Variants in CCSAP observed in about 807,000 individuals in gnomAD.
CCSAP encodes the protein centriole, cilia and spindle associated protein.
A neutral mutation model predicts 25.9 loss-of-function variants in CCSAP; 17 were observed. That is an observed-to-expected ratio of 0.66 (90% CI 0.45 to 0.99). The LOEUF (loss-of-function observed/expected upper bound fraction) is 0.99, where lower values mean the gene tolerates loss of function less well. CCSAP is among the 50% of genes least tolerant of loss of function. CCSAP has a pLI of 0.00. For synonymous variants in CCSAP, 169 were observed against 157.1 expected (o/e 1.08, Z -0.57); for missense variants, 339 against 367.8 (o/e 0.92, Z 0.64).
chr1:229,337,310 G>C (rs466160), intron 2 of CCSAP, among the ~76,000 whole-genome samples: 60,981 of 151,634 alleles, frequency 0.4, 12,493 homozygotes, highest in Non-Finnish European at 0.45. Flanking sequence ...GCAGGTGTCA[G>C]AATGGCATGG....
Position 229,340,405 on chromosome 1 carries a change from G to T in CCSAP, c.367+1694C>A, listed in dbSNP as rs1337116363. The T allele has an allele frequency of 5.6e-6, 4 of 716,722 alleles. No homozygotes were observed. In the African/African-American group the frequency reaches 7.0e-5, roughly 13 times the overall value. 44.4% of individuals were successfully genotyped at this position (716,722 alleles called of 1,614,324 possible). A position where few individuals can be genotyped will look rare whatever the true frequency, so the allele number is the denominator to read the frequency against. On this transcript the variant is annotated intron_variant, in intron 2 of 3. Coordinates refer to ENST00000284617, the MANE Select transcript of CCSAP (RefSeq NM_145257.5). ...AATCATGAACTCAGAGCTTACCTGAGCTGGTAAATACAGGCACCATCCATA... is the reference window on the plus strand; with the variant it reads ...AATCATGAACTCAGAGCTTACCTGATCTGGTAAATACAGGCACCATCCATA...
intron 2 of CCSAP, among the ~76,000 whole-genome samples, chr1:229,338,101 T>C (rs1043749500): frequency 5.9e-5 from 9 of 152,256 alleles, no homozygotes; most frequent in African/African-American, 2.2e-4. Context: ...ATCATATAGT[T>C]AATATTGTGG....
At chr1:229,326,717 C>T in intron 3 of CCSAP, 21 bp downstream of exon 3, 1 of 1,612,008 alleles carries the variant, frequency 6.2e-7, no homozygotes, top group South Asian at 1.1e-5. Context: ...GAACACAGAA[C>T]CACAAGGGCC....
chr1:229,322,870 TATC>T lies in CCSAP; in HGVS notation c.*2362_*2364del, dbSNP rs1657859117. ...AGTTTTATGTAGCATTTATTTTAAA[TATC>T]ATTGGGTTCTCTGTTTCAGACTTTT... On this transcript the variant is annotated 3_prime_UTR_variant, in exon 4 of 4. Transcript: ENST00000284617. The T allele has an allele frequency of 6.6e-6, 1 of 152,232 alleles. No homozygotes were observed. The highest frequency in any genetic ancestry group is 2.4e-5 in the African/African-American group (1 of 41,468). The allele number at this position is 152,232 out of a possible 1,614,324, so 9.4% of individuals were successfully genotyped here. A position where few individuals can be genotyped will look rare whatever the true frequency, so the allele number is the denominator to read the frequency against.
chr1:229,335,922 G>T (rs1005173834), intron 2 of CCSAP, among the ~76,000 whole-genome samples: 1 of 151,210 alleles, frequency 6.6e-6, no homozygotes, highest in East Asian at 1.9e-4. Context: ...AAATATTCGG[G>T]AAAAATAAAT....
chr1:229,336,603 G>GCAT lies in CCSAP; in HGVS notation c.367+5493_367+5495dup, dbSNP rs778939079. Among the ~76,000 whole-genome samples, 24 of 152,006 alleles carry GCAT rather than the reference G, an allele frequency of 1.6e-4. 1 individual carries two copies. Among genetic ancestry groups the GCAT allele is most frequent in the Non-Finnish European group, 3.2e-4 (22 of 68,008 alleles). ...GTCCTCAGCCAATTACAGAAAACAG[G>GCAT]CATCCCCCGTGCACAGACCTCCTAA... is the stretch of plus-strand genomic sequence containing the variant. On this transcript the variant is annotated intron_variant, in intron 2 of 3. Coordinates refer to ENST00000284617, the MANE Select transcript of CCSAP (RefSeq NM_145257.5).
intron 2 of CCSAP, among the ~76,000 whole-genome samples, chr1:229,340,129 T>C (rs1257944113): frequency 6.6e-6 from 1 of 152,294 alleles, no homozygotes; most frequent in Non-Finnish European, 1.5e-5. Context: ...TAAAAAATTT[T>C]ATATTTTATA....
intron 2 of CCSAP, among the ~76,000 whole-genome samples, chr1:229,341,488 G>T (rs929262630): frequency 6.6e-6 from 1 of 152,200 alleles, no homozygotes; most frequent in African/African-American, 2.4e-5. Context: ...CGGCGCTTTC[G>T]GATCTGGACA....
chr1:229,331,880 AT>A (rs1658078836), intron 2 of CCSAP, among the ~76,000 whole-genome samples: 2 of 151,368 alleles, frequency 1.3e-5, no homozygotes, highest in East Asian at 3.9e-4. Context: ...CAATGGCGCG[AT>A]CTCAGCTCAC....
chr1:229,325,694 T>C (rs1168299185), intron 3 of CCSAP, among the ~76,000 whole-genome samples: 1 of 152,210 alleles, frequency 6.6e-6, no homozygotes, highest in Non-Finnish European at 1.5e-5. Flanking sequence ...GCCTCTAGAG[T>C]TGGCTCTGGA....
At position 229,333,706 on chromosome 1, in the gene CCSAP, C is replaced by T. The variant is rs1318498293; in HGVS notation, c.368-6700G>A. 2.0e-5 allele frequency among the ~76,000 whole-genome samples: 3 copies of T among 152,014 alleles called. No homozygotes were observed. The South Asian group carries it at 6.2e-4, about 32-fold the overall frequency. On this transcript the variant is annotated intron_variant, in intron 2 of 3. Transcript: ENST00000284617. ...ACCAACCTGGGCAACATGAGGAAAC[C>T]TCGTCTCTACTAAAAATACAAAAAA...
At chr1:229,326,050 C>T (rs1447643490) in intron 3 of CCSAP, among the ~76,000 whole-genome samples, 1 of 152,192 alleles carries the variant, frequency 6.6e-6, no homozygotes, top group Non-Finnish European at 1.5e-5. Flanking sequence ...CTTCCTTAAA[C>T]GCAGCCTTTG....
intron 2 of CCSAP, among the ~76,000 whole-genome samples, chr1:229,330,833 TA>T (rs1553304645): frequency 1.3e-3 from 149 of 118,202 alleles, no homozygotes; most frequent in East Asian, 1.6e-3. Context: ...CAACTCCATC[TA>T]AAAAAAAAAA....
intron 2 of CCSAP, among the ~76,000 whole-genome samples, chr1:229,338,209 G>C (rs1658246945): frequency 6.6e-6 from 1 of 152,026 alleles, no homozygotes; most frequent in South Asian, 2.1e-4. Flanking sequence ...CTCCCATAAT[G>C]GGAAGTCAGT....
At chr1:229,333,479 T>G (rs1571854233) in intron 2 of CCSAP, among the ~76,000 whole-genome samples, 1 of 141,498 alleles carries the variant, frequency 7.1e-6, no homozygotes, top group Admixed American at 7.1e-5. Context: ...TAGGTCAAAG[T>G]GAAAACAGGG....
rs754046436 is a variant in CCSAP at position 229,342,341 on chromosome 1, T to A, written c.125A>T (p.Gln42Leu). 6.6e-7 allele frequency: 1 copy of A among 1,504,678 alleles called. No homozygotes were observed. Among genetic ancestry groups the A allele is most frequent in the Non-Finnish European group, 8.9e-7 (1 of 1,128,172 alleles). The allele number at this position is 1,504,678 out of a possible 1,614,324, so 93.2% of individuals were successfully genotyped here. ...HYRLGRRLLE[Q>L]AHAPWLWDDW... ...GTCCCAGAGCCAGGGCGCGTGCGCCTGCTCCAGCAGCCGGCGGCCTAGGCG... is the reference window on the plus strand; with the variant it reads ...GTCCCAGAGCCAGGGCGCGTGCGCCAGCTCCAGCAGCCGGCGGCCTAGGCG... The change falls in exon 2 of 4, where the codon CAG becomes CTG. Residue 42 changes from glutamine (Q) to leucine (L), a missense_variant. Coordinates refer to ENST00000284617, the MANE Select transcript of CCSAP (RefSeq NM_145257.5). This position sits in a 1 kb window ranked among gnomAD's most constrained non-coding sequence, Gnocchi z 7.5.
chr1:229,331,185 TTTCCAACACAAAGACCAGTGTGTTGTAAA>T (rs1658059068), intron 2 of CCSAP, among the ~76,000 whole-genome samples: 1 of 152,112 alleles, frequency 6.6e-6, no homozygotes, highest in African/African-American at 2.4e-5. Flanking sequence ...AGAAATAGCT[TTTCCAACACAAAGACCAGTGTGTTGTAAA>T]GATAACCGGC....
In CCSAP at chr1:229,337,670, C is replaced by CAAAAAAAAAAAAAAAAAAA. The variant is rs539736168; in HGVS notation, c.367+4428_367+4429insTTTTTTTTTTTTTTTTTTT. 5.5e-4 allele frequency among the ~76,000 whole-genome samples: 31 copies of CAAAAAAAAAAAAAAAAAAA among 55,928 alleles called. 4 individuals carry two copies. The highest frequency in any genetic ancestry group is 8.6e-4 in the Non-Finnish European group (24 of 27,904). The allele number at this position is 55,928 out of a possible 152,430, so 36.7% of individuals were successfully genotyped here. A position where few individuals can be genotyped will look rare whatever the true frequency, so the allele number is the denominator to read the frequency against. On this transcript the variant is annotated intron_variant, in intron 2 of 3. Coordinates refer to ENST00000284617, the MANE Select transcript of CCSAP (RefSeq NM_145257.5). The stretch of plus-strand genomic sequence containing the variant: ...CTAGACTGGAACAAGATCAAAGGCT[C>CAAAAAAAAAAAAAAAAAAA]AAAAAAAAATATATATATATATATA...
chr1:229,327,287 A>T (rs1032035058), intron 2 of CCSAP: 2 of 342,960 alleles, frequency 5.8e-6, no homozygotes, highest in Non-Finnish European at 1.1e-5. Context: ...CTGGAATGTT[A>T]AAAGATAGAC....
Sources: gnomAD v4.1 joint callset for allele counts (sites outside exome capture counted in the v4.1 genomes callset) on GRCh38, gnomAD v4.1.1 for gene constraint, Gnocchi (gnomAD v3.1) non-coding constraint, MANE v1.5 for transcripts, NCBI Gene and HGNC (gene_info 2026-07-23, HGNC 2026-07-21) for gene names.